Variants in ACACA observed in about 807,000 individuals in gnomAD.
ACACA encodes the protein acetyl-CoA carboxylase alpha, also known as acetyl-CoA carboxylase 1.
A neutral mutation model predicts 296.1 loss-of-function variants in ACACA; 103 were observed. That is an observed-to-expected ratio of 0.35 (90% CI 0.30 to 0.41). The LOEUF (loss-of-function observed/expected upper bound fraction) is 0.41. Among genes scored for constraint, ACACA ranks in the 10% least tolerant of loss-of-function variants. The pLI is 1.00. For synonymous variants in ACACA, 953 were observed against 1,038.6 expected (o/e 0.92, Z 1.58); for missense variants, 1,554 against 2,989.7 (o/e 0.52, Z 11.20).
At chr17:37,375,290 T>A (rs190795904) in intron 1 of ACACA, among the ~76,000 whole-genome samples, 2 of 152,042 alleles carry the variant, frequency 1.3e-5, no homozygotes, top group Admixed American at 1.3e-4. Context: ...ATTAAGACCA[T>A]CCTGTCTAAC....
intron 45 of ACACA, among the ~76,000 whole-genome samples, chr17:37,139,045 G>C (rs1304952294): frequency 6.6e-6 from 1 of 152,182 alleles, no homozygotes; most frequent in Non-Finnish European, 1.5e-5. Flanking sequence ...GAGAAGAAAG[G>C]CTGAAGAGAG....
At chr17:37,111,238 C>G (rs1461876865) in intron 52 of ACACA, among the ~76,000 whole-genome samples, 1 of 152,090 alleles carries the variant, frequency 6.6e-6, no homozygotes, top group Non-Finnish European at 1.5e-5. Flanking sequence ...CTGCCCCCAG[C>G]AGCAACTCTA....
At chr17:37,378,888 C>A (rs1448674763) in intron 1 of ACACA, among the ~76,000 whole-genome samples, 1 of 152,108 alleles carries the variant, frequency 6.6e-6, no homozygotes, top group South Asian at 2.1e-4. Context: ...ACAGCAAGAC[C>A]CTGTCTTTTA....
intron 43 of ACACA, among the ~76,000 whole-genome samples, chr17:37,154,389 C>T (rs1371146103): frequency 6.6e-6 from 1 of 152,012 alleles, no homozygotes; most frequent in Non-Finnish European, 1.5e-5. Flanking sequence ...AGAAAATTTG[C>T]CTCACTAGAA....
At chr17:37,227,637 G>A (rs2079604419) in intron 25 of ACACA, among the ~76,000 whole-genome samples, 2 of 152,144 alleles carry the variant, frequency 1.3e-5, no homozygotes, top group Admixed American at 6.5e-5. Flanking sequence ...GGGAGGCCGA[G>A]GCGTGCGGAT....
At position 37,122,636 on chromosome 17, in the gene ACACA, A is replaced by G. The variant is rs768128042; in HGVS notation, c.6042-9T>C. On this transcript the variant is annotated splice_polypyrimidine_tract_variant and intron_variant, in intron 48 of 55. Transcript: ENST00000616317. ...CAGGTATTCCTCCTAGCCTGATAAA[A>G]CATGAGTCACATAAGAACCCAATGT... 15 of 1,611,046 alleles carry G rather than the reference A, an allele frequency of 9.3e-6. No individual in the cohort carries two copies. The African/African-American group carries it at 2.0e-4, about 22-fold the overall frequency.
chr17:37,223,553 AG>A lies in ACACA; in HGVS notation c.3522del (p.Phe1175SerfsTer7). The A allele has an allele frequency of 1.2e-6, 2 of 1,612,638 alleles. No individual in the cohort carries two copies. Among genetic ancestry groups the A allele is most frequent in the Non-Finnish European group, 1.7e-6 (2 of 1,178,632 alleles). ...ETSIFDVLPN[F>X]FYHSNQVVRM... is the part of the protein sequence containing the mutation. ...CTCACTACTTGGTTGCTGTGATAGA[AG>A]AAGTTTGGTAGGACATCAAAAATAG... On this transcript the variant is annotated frameshift_variant, in exon 28 of 56. Transcript: ENST00000616317. LOFTEE classifies it high-confidence loss of function.
chr17:37,195,101 A>G lies in ACACA; in HGVS notation c.4159-1686T>C, dbSNP rs1344490955. Among the ~76,000 whole-genome samples, 9 of 152,276 alleles carry G rather than the reference A, an allele frequency of 5.9e-5. 1 individual carries two copies. The highest frequency in any genetic ancestry group is 6.8e-3 in the Middle Eastern group (2 of 294). On this transcript the variant is annotated intron_variant, in intron 35 of 55. Transcript: ENST00000616317. ...TCAGAGCATTACCTAAAAAGTAACA[A>G]ATGTCAAAAAAGGAAGAATGACAAA...
At chr17:37,102,305 A>G (rs2073411799) in intron 52 of ACACA, among the ~76,000 whole-genome samples, 1 of 150,862 alleles carries the variant, frequency 6.6e-6, no homozygotes, top group Non-Finnish European at 1.5e-5. Flanking sequence ...CCTGAGTTCA[A>G]GCAATTCTTC....
chr17:37,380,898 GT>G (rs201346814), intron 1 of ACACA, among the ~76,000 whole-genome samples: 180 of 146,122 alleles, frequency 1.2e-3, no homozygotes, highest in Non-Finnish European at 1.7e-3. Flanking sequence ...GCCTGGCCAG[GT>G]TTTTTTTTTT....
In ACACA at chr17:37,125,724, T is replaced by G; in HGVS notation, c.6015A>C (p.Ala2005=). The change falls in exon 48 of 56, where the codon GCA becomes GCC. Residue 2005 remains alanine, a synonymous_variant. Transcript: ENST00000616317. ...TGGCTCTACCAACCACCACAGTCTGTGCCCAGGGCTGCATAATCTCTGAGA... is the reference window on the plus strand; with the variant it reads ...TGGCTCTACCAACCACCACAGTCTGGGCCCAGGGCTGCATAATCTCTGAGA... ...GSFSEIMQPW[A]QTVVVGRARL... is the part of the protein sequence containing the mutation. 1 of 1,614,036 alleles carries G rather than the reference T, an allele frequency of 6.2e-7. No individual in the cohort carries two copies. The highest frequency in any genetic ancestry group is 8.5e-7 in the Non-Finnish European group (1 of 1,179,962).
chr17:37,309,238 C>T (rs1173894591), intron 3 of ACACA, among the ~76,000 whole-genome samples: 1 of 152,028 alleles, frequency 6.6e-6, no homozygotes, highest in Admixed American at 6.6e-5. Flanking sequence ...GTTGCCTAGG[C>T]TTGTCCCAAA....
At chr17:37,114,233 T>A (rs1320852567) in intron 50 of ACACA, among the ~76,000 whole-genome samples, 1 of 151,966 alleles carries the variant, frequency 6.6e-6, no homozygotes, top group African/African-American at 2.4e-5. Flanking sequence ...AACCACCTCT[T>A]CATTCTGCTA....
intron 1 of ACACA, among the ~76,000 whole-genome samples, chr17:37,341,981 G>T (rs920981611): frequency 2.0e-5 from 3 of 151,998 alleles, no homozygotes; most frequent in African/African-American, 4.8e-5. Flanking sequence ...CTGACCTTTG[G>T]GGAAGGCTCA....
At chr17:37,326,406 C>T (rs936473665) in intron 3 of ACACA, among the ~76,000 whole-genome samples, 2 of 151,712 alleles carry the variant, frequency 1.3e-5, no homozygotes, top group Non-Finnish European at 1.5e-5. Flanking sequence ...TGGCGTATGC[C>T]TGTAATCCCA....
At chr17:37,380,522 G>T (rs982386172) in intron 1 of ACACA, among the ~76,000 whole-genome samples, 9 of 152,108 alleles carry the variant, frequency 5.9e-5, no homozygotes, top group African/African-American at 2.2e-4. Context: ...ATCCCTTCTA[G>T]CCCTGATACT....
At chr17:37,316,104 A>C (rs2047073742) in intron 3 of ACACA, among the ~76,000 whole-genome samples, 1 of 152,072 alleles carries the variant, frequency 6.6e-6, no homozygotes. Flanking sequence ...ATAGAGACCA[A>C]ATGCTTATTT....
chr17:37,291,325 C>T (rs920780975), intron 3 of ACACA, among the ~76,000 whole-genome samples: 1 of 151,724 alleles, frequency 6.6e-6, no homozygotes, highest in Non-Finnish European at 1.5e-5. Flanking sequence ...TACAGGCATG[C>T]GCCACCATGC....
rs1255081309 is a variant in ACACA at position 37,260,288 on chromosome 17, ATATATATATTTTTTTTT to A, written c.1330-775_1330-759del. The stretch of plus-strand genomic sequence containing the variant: ...TATATATATATATATATATATATAT[ATATATATATTTTTTTTT>A]TTTTTTTTTTTGGAGATGGAGTCTC... On this transcript the variant is annotated intron_variant, in intron 11 of 55. Transcript: ENST00000616317. 8.5e-3 allele frequency among the ~76,000 whole-genome samples: 204 copies of A among 24,060 alleles called. 11 individuals are homozygous for A. Among genetic ancestry groups the A allele is most frequent in the East Asian group, 0.042 (17 of 408 alleles). 15.8% of individuals were successfully genotyped at this position (24,060 alleles called of 152,430 possible).
Sources: allele counts gnomAD v4.1 joint callset (sites outside exome capture counted in the v4.1 genomes callset), GRCh38; gene constraint gnomAD v4.1.1; transcripts MANE v1.5; gene names NCBI Gene and HGNC (gene_info 2026-07-23, HGNC 2026-07-21).